The following POC1A variants were observed in gnomAD, a reference collection of about 807,000 sequenced individuals.
The protein encoded by POC1A is POC1 centriolar protein homolog A.
A neutral mutation model predicts 47.8 loss-of-function variants in POC1A; 34 were observed. The observed-to-expected ratio is 0.71, with a 90% CI of 0.54 to 0.95. POC1A has a LOEUF of 0.95. Ranked by LOEUF, POC1A falls within the 40% of genes least tolerant of loss-of-function variation. POC1A has a pLI of 0.00. For missense variants in POC1A, 466 were observed against 528.3 expected (o/e 0.88, Z 1.16); for synonymous variants, 177 against 207.6 (o/e 0.85, Z 1.27).
chr3:52,108,949 T>G (rs1703284530), intron 9 of POC1A, among the ~76,000 whole-genome samples: 1 of 152,198 alleles, frequency 6.6e-6, no homozygotes, highest in Non-Finnish European at 1.5e-5. Context: ...CACCTGTGCC[T>G]GACCCACCTC....
intron 10 of POC1A, among the ~76,000 whole-genome samples, chr3:52,088,786 G>A (rs541869248): frequency 2.0e-5 from 3 of 151,826 alleles, no homozygotes; most frequent in African/African-American, 4.8e-5. Flanking sequence ...GATTCAGCCC[G>A]AATGAGATGT....
At chr3:52,086,271 C>T (rs1463740663) in intron 10 of POC1A, among the ~76,000 whole-genome samples, 5 of 152,308 alleles carry the variant, frequency 3.3e-5, no homozygotes, top group African/African-American at 4.8e-5. Flanking sequence ...CCAGGGCAAA[C>T]GTCCTGGGGC....
chr3:52,136,546 A>C (rs1267524180), intron 7 of POC1A, among the ~76,000 whole-genome samples: 2 of 152,218 alleles, frequency 1.3e-5, no homozygotes, highest in African/African-American at 4.8e-5. Flanking sequence ...GACAGATGGC[A>C]AAATGAACAG....
intron 6 of POC1A, among the ~76,000 whole-genome samples, chr3:52,145,592 T>C (rs1008922462): frequency 6.6e-6 from 1 of 152,206 alleles, no homozygotes; most frequent in Non-Finnish European, 1.5e-5. Flanking sequence ...TGTGTGAGAT[T>C]CTGCCACTTC....
chr3:52,113,330 C>G (rs1008224690), intron 9 of POC1A, among the ~76,000 whole-genome samples: 2 of 152,204 alleles, frequency 1.3e-5, no homozygotes, highest in Non-Finnish European at 2.9e-5. Context: ...TTTGGTGCTC[C>G]TGGATCTTGC....
intron 9 of POC1A, among the ~76,000 whole-genome samples, chr3:52,118,302 C>T (rs1164724491): frequency 2.0e-5 from 3 of 152,188 alleles, no homozygotes; most frequent in Admixed American, 2.0e-4. Flanking sequence ...GCCCTGAAAT[C>T]CCTCCTCATG....
intron 7 of POC1A, among the ~76,000 whole-genome samples, chr3:52,126,573 G>A (rs963693917): frequency 1.3e-5 from 2 of 152,230 alleles, no homozygotes; most frequent in African/African-American, 4.8e-5. Context: ...AGTCTGTGCG[G>A]TGACCCTTTG....
intron 8 of POC1A, among the ~76,000 whole-genome samples, chr3:52,122,688 C>T (rs978413753): frequency 6.6e-5 from 10 of 152,188 alleles, no homozygotes; most frequent in African/African-American, 2.4e-4. Context: ...TGGATGTGAC[C>T]AGGATGGACT....
intron 10 of POC1A, among the ~76,000 whole-genome samples, chr3:52,082,815 G>A (rs1184175613): frequency 6.6e-6 from 1 of 151,948 alleles, no homozygotes; most frequent in African/African-American, 2.4e-5. Context: ...CTGGCACCTG[G>A]GCCCCCAACT....
intron 8 of POC1A, 133 bp downstream of exon 8, chr3:52,124,980 C>T (rs1703940533): frequency 2.9e-6 from 2 of 680,010 alleles, no homozygotes; most frequent in Non-Finnish European, 2.5e-6. Context: ...GCCATCAGGG[C>T]CTTTTTAGTC....
chr3:52,085,200 C>T (rs1702419065), intron 10 of POC1A, among the ~76,000 whole-genome samples: 1 of 152,172 alleles, frequency 6.6e-6, no homozygotes, highest in Admixed American at 6.5e-5. Flanking sequence ...CTGCCCTCGC[C>T]AGACTCAGGC....
Position 52,084,140 on chromosome 3 carries a change from G to A in POC1A, c.1126-8155C>T, listed in dbSNP as rs779048633. On this transcript the variant is annotated intron_variant, in intron 10 of 10. Transcript: ENST00000296484. The surrounding 1 kb of genome is among the most constrained non-coding windows in gnomAD (Gnocchi z 4.3). ...GAATAAACTCTGGGAGAAGAGCCTC[G>A]ACCTAGGAACTGACCACAGCCACCT... Among the ~76,000 whole-genome samples, 5 of 152,256 alleles carry A rather than the reference G, an allele frequency of 3.3e-5. No individual in the cohort carries two copies. Among genetic ancestry groups the A allele is most frequent in the East Asian group, 1.9e-4 (1 of 5,176 alleles).
intron 7 of POC1A, among the ~76,000 whole-genome samples, chr3:52,125,607 C>A (rs903735714): frequency 3.3e-5 from 5 of 152,118 alleles, no homozygotes; most frequent in Admixed American, 6.5e-5. Context: ...AACATCTCCC[C>A]AACACTGCAC....
chr3:52,150,854 G>GC (rs1698532153), intron 2 of POC1A, among the ~76,000 whole-genome samples, 162 bp downstream of exon 2: 1 of 152,106 alleles, frequency 6.6e-6, no homozygotes, highest in Non-Finnish European at 1.5e-5. Context: ...AGCTCATGAA[G>GC]CCCAGTGCCC....
intron 7 of POC1A, among the ~76,000 whole-genome samples, chr3:52,132,040 A>G (rs1183455418): frequency 6.6e-6 from 1 of 152,194 alleles, no homozygotes; most frequent in Non-Finnish European, 1.5e-5. Context: ...AAACGGCATG[A>G]CATCATTTTC....
At chr3:52,105,032 T>C (rs1449373025) in intron 9 of POC1A, among the ~76,000 whole-genome samples, 1 of 152,246 alleles carries the variant, frequency 6.6e-6, no homozygotes, top group Non-Finnish European at 1.5e-5. Flanking sequence ...CCATGCCCTT[T>C]GTCCAGCCCG....
At chr3:52,078,702 G>A (rs1465787994) in intron 10 of POC1A, among the ~76,000 whole-genome samples, 2 of 151,920 alleles carry the variant, frequency 1.3e-5, no homozygotes, top group Non-Finnish European at 2.9e-5. Context: ...TAGTATAGAC[G>A]GGGTTTCACC....
chr3:52,114,815 C>G (rs769318580), intron 9 of POC1A, among the ~76,000 whole-genome samples: 2 of 152,214 alleles, frequency 1.3e-5, no homozygotes, highest in Non-Finnish European at 1.5e-5. Flanking sequence ...AGCCTGGCCC[C>G]GGTAAAGCCC....
At position 52,079,930 on chromosome 3, in the gene POC1A, C is replaced by G. The variant is rs1162836069; in HGVS notation, c.1126-3945G>C. ...GCTACCCTGGGAACATTCTTAAGTC[C>G]TCCATGTAATTGGGGTGTGGAGCTT... On this transcript the variant is annotated intron_variant, in intron 10 of 10. Transcript: ENST00000296484. The surrounding 1 kb of genome is among the most constrained non-coding windows in gnomAD (Gnocchi z 4.6). Among the ~76,000 whole-genome samples, 1 of 152,190 alleles carries G rather than the reference C, an allele frequency of 6.6e-6. No individual in the cohort carries two copies. The highest frequency in any genetic ancestry group is 1.5e-5 in the Non-Finnish European group (1 of 68,034).
Sources: allele counts gnomAD v4.1 joint callset (sites outside exome capture counted in the v4.1 genomes callset), GRCh38; gene constraint gnomAD v4.1.1; non-coding constraint Gnocchi (gnomAD v3.1); transcripts MANE v1.5; gene names NCBI Gene and HGNC (gene_info 2026-07-23, HGNC 2026-07-21).